The following PTPN22 variants were observed in gnomAD, a reference collection of about 807,000 sequenced individuals.
The protein encoded by PTPN22 is protein tyrosine phosphatase non-receptor type 22, also known as tyrosine-protein phosphatase non-receptor type 22.
Under a neutral mutation model 103.3 loss-of-function variants are expected in PTPN22, and 85 were observed. The observed-to-expected ratio is 0.82, with a 90% CI of 0.69 to 0.99. The LOEUF (loss-of-function observed/expected upper bound fraction) is 0.99. Ranked by LOEUF, PTPN22 falls within the 50% of genes least tolerant of loss-of-function variation. The pLI is 0.00. For missense variants in PTPN22, 865 were observed against 936.9 expected (o/e 0.92, Z 1.00); for synonymous variants, 323 against 310.2 (o/e 1.04, Z -0.43).
intron 5 of PTPN22, among the ~76,000 whole-genome samples, chr1:113,857,123 A>C (rs1665152168): frequency 6.6e-6 from 1 of 152,240 alleles, no homozygotes; most frequent in Non-Finnish European, 1.5e-5. Flanking sequence ...TCTGACATGT[A>C]ACCAATATAA....
At chr1:113,854,835 C>T in intron 8 of PTPN22, 72 bp downstream of exon 8, 1 of 1,491,076 alleles carries the variant, frequency 6.7e-7, no homozygotes, top group Non-Finnish European at 9.1e-7. Context: ...TTTCCCCTTT[C>T]AATTACACAG....
At chr1:113,838,721 A>G in intron 11 of PTPN22, 101 bp from the exon 12 acceptor site, 1 of 1,466,930 alleles carries the variant, frequency 6.8e-7, no homozygotes, top group East Asian at 2.5e-5. Flanking sequence ...GGAAATAAAA[A>G]GATTTAAAAT....
At chr1:113,871,465 G>A (rs921841982) in intron 1 of PTPN22, 72 bp downstream of exon 1, 45 of 1,314,284 alleles carry the variant, frequency 3.4e-5, no homozygotes, top group African/African-American at 2.3e-4. Context: ...ATTTGGTCTC[G>A]GAAAATTGGA....
At chr1:113,838,738 TGAAA>T (rs1365040721) in intron 11 of PTPN22, 118 bp from the exon 12 acceptor site, 4 of 1,421,062 alleles carry the variant, frequency 2.8e-6, no homozygotes, top group Admixed American at 2.8e-5. Flanking sequence ...AAATAATTCA[TGAAA>T]GAGTTAGATT....
chr1:113,859,716 T>C (rs996043449), intron 1 of PTPN22, among the ~76,000 whole-genome samples: 1 of 152,238 alleles, frequency 6.6e-6, no homozygotes, highest in African/African-American at 2.4e-5. Context: ...CTTGTGAATA[T>C]TTTAAGAACC....
Position 113,854,396 on chromosome 1 carries a change from T to C in PTPN22, c.750+75A>G, listed in dbSNP as rs934711262. ...AGATGAATCATGAAGATAGATGTTTTGAAAAACCAAACAATTACTAAGTAT... is the reference window on the plus strand; with the variant it reads ...AGATGAATCATGAAGATAGATGTTTCGAAAAACCAAACAATTACTAAGTAT... On this transcript the variant is annotated intron_variant, in intron 9 of 20. Coordinates refer to ENST00000359785, the Ensembl canonical transcript of PTPN22. 2.9e-6 allele frequency: 4 copies of C among 1,374,688 alleles called. No individual in the cohort carries two copies. The African/African-American group carries it at 5.8e-5, about 20-fold the overall frequency. The allele number at this position is 1,374,688 out of a possible 1,614,324, so 85.2% of individuals were successfully genotyped here. A position where few individuals can be genotyped will look rare whatever the true frequency, so the allele number is the denominator to read the frequency against.
chr1:113,856,355 A>C (rs74163646), intron 7 of PTPN22, 27 bp downstream of exon 7: 24 of 1,539,796 alleles, frequency 1.6e-5, no homozygotes, highest in Non-Finnish European at 2.1e-5. Context: ...TAGGCTTTTG[A>C]GTTTATCATT....
intron 1 of PTPN22, among the ~76,000 whole-genome samples, chr1:113,865,044 T>C (rs1246049488): frequency 6.6e-6 from 1 of 152,154 alleles, no homozygotes; most frequent in African/African-American, 2.4e-5. Context: ...AAAATGAGCA[T>C]GCTATAAGAA....
chr1:113,837,934 A>G (rs751122826), exon 13 of PTPN22: 41 of 1,613,974 alleles, frequency 2.5e-5, no homozygotes, highest in Non-Finnish European at 3.5e-5. Flanking sequence ...AACATGCATT[A>G]CTTTTTGAGC....
In PTPN22 at chr1:113,833,097, A is replaced by G; in HGVS notation, c.2053+14T>C. ...TAGGGCTAAATGTCATCTAAAGCCA[A>G]GAGAAATTTTTACCTGATTTAGGAC... is the stretch of plus-strand genomic sequence containing the variant. On this transcript the variant is annotated intron_variant, in intron 16 of 20. Transcript: ENST00000359785. 1 of 1,563,864 alleles carries G rather than the reference A, an allele frequency of 6.4e-7. No homozygotes were observed.
chr1:113,863,305 C>A (rs1307501321), intron 1 of PTPN22, among the ~76,000 whole-genome samples: 1 of 152,158 alleles, frequency 6.6e-6, no homozygotes, highest in African/African-American at 2.4e-5. Flanking sequence ...GTTGGCCAGG[C>A]TGGTCTTGAA....
rs551375033 is a variant in PTPN22 at position 113,854,837 on chromosome 1, A to G, written c.683+70T>C. The G allele has an allele frequency of 2.4e-5, 36 of 1,498,180 alleles. No homozygotes were observed. The Admixed American group carries it at 4.5e-4, about 19-fold the overall frequency. 92.8% of individuals were successfully genotyped at this position (1,498,180 alleles called of 1,614,324 possible). On this transcript the variant is annotated intron_variant, in intron 8 of 20. Transcript: ENST00000359785. ...TTGCTATTAACCTTTTCCCCTTTCA[A>G]TTACACAGTCCTGGCCAGACTCTGA...
chr1:113,843,995 C>G (rs1663830684), intron 11 of PTPN22, among the ~76,000 whole-genome samples: 1 of 152,106 alleles, frequency 6.6e-6, no homozygotes, highest in African/African-American at 2.4e-5. Flanking sequence ...CTTTGGGGGG[C>G]CAAGGCAGGA....
chr1:113,834,585 G>GCAAGACCCTGTC, intron 14 of PTPN22, 146 bp from the exon 15 acceptor site: 1 of 923,090 alleles, frequency 1.1e-6, no homozygotes, highest in Non-Finnish European at 1.6e-6. Context: ...TTGAGACAGG[G>GCAAGACCCTGTC]TCTTGCTCTG....
At chr1:113,851,693 C>T (rs974882040) in intron 10 of PTPN22, among the ~76,000 whole-genome samples, 1 of 152,138 alleles carries the variant, frequency 6.6e-6, no homozygotes, top group Admixed American at 6.5e-5. Context: ...TACAAAATTT[C>T]AAATTAACAT....
chr1:113,817,959 C>CT (rs1178183326), intron 20 of PTPN22, among the ~76,000 whole-genome samples: 75 of 140,868 alleles, frequency 5.3e-4, no homozygotes, highest in East Asian at 1.2e-3. Flanking sequence ...TTCTTTTTTC[C>CT]TTTTTTTTTT....
At chr1:113,850,957 T>C (rs1447061284) in intron 10 of PTPN22, among the ~76,000 whole-genome samples, 2 of 152,196 alleles carry the variant, frequency 1.3e-5, no homozygotes, top group Non-Finnish European at 2.9e-5. Flanking sequence ...TTCTAAATTC[T>C]ATATTAAAAA....
intron 1 of PTPN22, among the ~76,000 whole-genome samples, chr1:113,861,677 C>G (rs1177172575): frequency 6.6e-6 from 1 of 152,156 alleles, no homozygotes; most frequent in Admixed American, 6.6e-5. Context: ...CCGCGCCCGG[C>G]AGGCTTCATT....
chr1:113,829,300 G>A, intron 18 of PTPN22: 1 of 183,900 alleles, frequency 5.4e-6, no homozygotes, highest in Non-Finnish European at 1.1e-5. Flanking sequence ...AGTTTGTTAT[G>A]TAGGTAAACT....
Sources: allele counts gnomAD v4.1 joint callset (sites outside exome capture counted in the v4.1 genomes callset), GRCh38; gene constraint gnomAD v4.1.1; transcripts MANE v1.5; gene names NCBI Gene and HGNC (gene_info 2026-07-23, HGNC 2026-07-21).